Variants in SBF2 observed in about 807,000 individuals in gnomAD.
The protein encoded by SBF2 is myotubularin-related protein 13.
Under a neutral mutation model 225.2 loss-of-function variants are expected in SBF2, and 112 were observed. The ratio of observed to expected loss-of-function variants is 0.50; its 90% CI spans 0.43 to 0.58. The LOEUF is 0.58. SBF2 is among the 20% of genes least tolerant of loss of function. The pLI, the probability that SBF2 is intolerant of heterozygous loss-of-function variation, is 0.00. For synonymous variants in SBF2, 763 were observed against 773.3 expected (o/e 0.99, Z 0.22); for missense variants, 1,996 against 2,206.2 (o/e 0.90, Z 1.91).
intron 16 of SBF2, among the ~76,000 whole-genome samples, chr11:9,929,998 GT>G (rs1192386678): frequency 6.6e-6 from 1 of 152,032 alleles, no homozygotes; most frequent in Non-Finnish European, 1.5e-5. Context: ...TTGGGGGATG[GT>G]GGGGGTGGGA....
At chr11:9,959,230 G>T in intron 16 of SBF2, 2 of 776,754 alleles carry the variant, frequency 2.6e-6, no homozygotes, top group South Asian at 2.7e-5. Flanking sequence ...CTCAGCATTA[G>T]TCCCTGCAAT....
chr11:10,029,950 G>C, intron 4 of SBF2, 75 bp from the exon 5 acceptor site: 1 of 989,874 alleles, frequency 1.0e-6, no homozygotes. Context: ...ATCTGCTCTA[G>C]GACGATTTCT....
chr11:10,284,685 AC>A (rs1963629973), intron 1 of SBF2, among the ~76,000 whole-genome samples: 1 of 152,116 alleles, frequency 6.6e-6, no homozygotes, highest in Non-Finnish European at 1.5e-5. Flanking sequence ...AACACAGCTC[AC>A]TGCAGCCTCG....
At chr11:10,041,044 T>C (rs1035225330) in intron 3 of SBF2, among the ~76,000 whole-genome samples, 1 of 152,084 alleles carries the variant, frequency 6.6e-6, no homozygotes, top group African/African-American at 2.4e-5. Flanking sequence ...GAGGGGTGAA[T>C]AGTGAAGAGG....
intron 17 of SBF2, among the ~76,000 whole-genome samples, chr11:9,861,046 T>C (rs1351485029): frequency 2.0e-5 from 3 of 152,224 alleles, no homozygotes; most frequent in East Asian, 1.9e-4. Flanking sequence ...TCTGAAATAC[T>C]TGGGACCAGA....
intron 2 of SBF2, among the ~76,000 whole-genome samples, chr11:10,118,921 T>TAAAC (rs1243676664): frequency 1.4e-5 from 2 of 146,574 alleles, no homozygotes; most frequent in Admixed American, 6.9e-5. Flanking sequence ...AAAACAAAAC[T>TAAAC]AAACAAACAA....
At chr11:9,808,235 C>T in intron 31 of SBF2, 50 bp from the exon 32 acceptor site, 7 of 1,508,260 alleles carry the variant, frequency 4.6e-6, no homozygotes, top group Non-Finnish European at 6.4e-6. Context: ...CTGAAAAAGG[C>T]CTATTACTAA....
intron 33 of SBF2, among the ~76,000 whole-genome samples, chr11:9,792,607 G>C (rs1411116984): frequency 1.3e-5 from 2 of 152,132 alleles, no homozygotes; most frequent in Non-Finnish European, 2.9e-5. Context: ...CAGACTTCAA[G>C]TAGGCAACCT....
At chr11:9,906,564 C>A (rs1258099786) in intron 16 of SBF2, among the ~76,000 whole-genome samples, 1 of 152,112 alleles carries the variant, frequency 6.6e-6, no homozygotes, top group Non-Finnish European at 1.5e-5. Context: ...ATAAAAAATT[C>A]TTTGCAAATC....
chr11:10,153,690 G>T (rs1488288927), intron 2 of SBF2, among the ~76,000 whole-genome samples: 1 of 152,042 alleles, frequency 6.6e-6, no homozygotes, highest in Non-Finnish European at 1.5e-5. Flanking sequence ...GGAAATCAAT[G>T]AAAGTGGTAA....
intron 2 of SBF2, among the ~76,000 whole-genome samples, chr11:10,178,458 A>C (rs984705114): frequency 6.9e-6 from 1 of 145,734 alleles, no homozygotes; most frequent in African/African-American, 2.6e-5. Context: ...ACAAAGGGCT[A>C]ATATCCAGAA....
chr11:10,070,116 C>G (rs1206240838), intron 2 of SBF2, among the ~76,000 whole-genome samples: 1 of 152,170 alleles, frequency 6.6e-6, no homozygotes, highest in East Asian at 1.9e-4. Context: ...TGCCTGTTCA[C>G]TCTGATGGTA....
At chr11:9,860,799 A>G (rs360159) in intron 17 of SBF2, among the ~76,000 whole-genome samples, 99,785 of 152,030 alleles carry the variant, frequency 0.66, 33,315 homozygotes, top group African/African-American at 0.78. Context: ...ATATAGATAA[A>G]CTCCAAAAAA....
intron 39 of SBF2, chr11:9,780,856 G>A: frequency 2.9e-6 from 1 of 348,732 alleles, no homozygotes; most frequent in Non-Finnish European, 5.6e-6. Flanking sequence ...CTGAAGGTGA[G>A]GGAGCTCCTT....
intron 13 of SBF2, among the ~76,000 whole-genome samples, chr11:9,978,934 G>A (rs1946819198): frequency 6.6e-6 from 1 of 152,214 alleles, no homozygotes; most frequent in Non-Finnish European, 1.5e-5. Context: ...AGGAGGTCGA[G>A]GCTGCAGTAA....
At chr11:10,066,893 T>A (rs934990258) in intron 2 of SBF2, among the ~76,000 whole-genome samples, 2 of 152,222 alleles carry the variant, frequency 1.3e-5, no homozygotes, top group Non-Finnish European at 2.9e-5. Flanking sequence ...GTAGAACACA[T>A]GATCAATATA....
At position 10,031,083 on chromosome 11, in the gene SBF2, A is replaced by G. The variant is rs1436455315; in HGVS notation, c.367T>C (p.Leu123=). 1.9e-6 allele frequency: 3 copies of G among 1,613,340 alleles called. No individual in the cohort carries two copies. ...AEVFAPKSLV[L]VSRLYYPEIF... is the part of the protein sequence containing the mutation. The stretch of plus-strand genomic sequence containing the variant: ...TCTGGATAATATAATCTGGATACCA[A>G]CACCAGGCTTTTGGGAGCAAACACT... The change falls in exon 4 of 40, where the codon TTG becomes CTG. Residue 123 remains leucine, a synonymous_variant. Transcript: ENST00000256190.
chr11:10,279,613 C>G (rs1388133161), intron 1 of SBF2, among the ~76,000 whole-genome samples: 2 of 152,086 alleles, frequency 1.3e-5, no homozygotes, highest in Non-Finnish European at 2.9e-5. Context: ...TGACCTGTCA[C>G]CTCCCACAGT....
At chr11:10,200,139 T>C (rs1378286509) in intron 1 of SBF2, among the ~76,000 whole-genome samples, 2 of 152,304 alleles carry the variant, frequency 1.3e-5, no homozygotes, top group Middle Eastern at 3.4e-3. Context: ...GTTAAGAATA[T>C]GGACTCAGGA....
Sources: gnomAD v4.1 joint callset for allele counts (sites outside exome capture counted in the v4.1 genomes callset) on GRCh38, gnomAD v4.1.1 for gene constraint, MANE v1.5 for transcripts, NCBI Gene and HGNC (gene_info 2026-07-23, HGNC 2026-07-21) for gene names.